Variants in XPA observed in about 807,000 individuals in gnomAD.
XPA encodes the protein DNA repair protein complementing XP-A cells.
XPA carries 27 observed loss-of-function variants against 35.7 expected under a neutral mutation model. That is an observed-to-expected ratio of 0.76 (90% CI 0.56 to 1.04). The LOEUF is 1.04. XPA is among the 50% of genes least tolerant of loss of function. The probability of loss-of-function intolerance (pLI) is 0.00; values close to 1 mark genes in which losing one functional copy is unlikely to be tolerated. For synonymous variants in XPA, 133 were observed against 118.4 expected (o/e 1.12, Z -0.80); for missense variants, 354 against 342.7 (o/e 1.03, Z -0.26).
chr9:97,655,391 A>C, the XPA span, among the ~76,000 whole-genome samples: 1 of 149,808 alleles, frequency 6.7e-6, no homozygotes, highest in Admixed American at 6.7e-5. Flanking sequence ...ACAATTTCAT[A>C]AAATTTTTTT....
At chr9:97,679,191 CTG>C (rs1243685502) in intron 5 of XPA, among the ~76,000 whole-genome samples, 4 of 152,054 alleles carry the variant, frequency 2.6e-5, no homozygotes, top group Non-Finnish European at 4.4e-5. Context: ...GAAATATACA[CTG>C]TAATACTTAA....
At chr9:97,691,885 A>AT (rs1491413733) in intron 2 of XPA, among the ~76,000 whole-genome samples, 20 of 70,040 alleles carry the variant, frequency 2.9e-4, no homozygotes, top group African/African-American at 6.4e-4. Flanking sequence ...CTTTCTAAAT[A>AT]AATATATATA....
the XPA span, chr9:97,661,163 T>C: frequency 6.7e-7 from 1 of 1,485,748 alleles, no homozygotes; most frequent in African/African-American, 1.4e-5. Flanking sequence ...TAAAGCAATA[T>C]ATCTATATCT....
chr9:97,691,886 A>AAAAT (rs1828899722), intron 2 of XPA, among the ~76,000 whole-genome samples: 1 of 124,682 alleles, frequency 8.0e-6, no homozygotes, highest in East Asian at 2.5e-4. Flanking sequence ...TTTCTAAATA[A>AAAAT]ATATATATAT....
At chr9:97,671,943 TC>T (rs1368117914), downstream of XPA, 6 of 152,228 alleles carry the variant, frequency 3.9e-5, no homozygotes. Context: ...TCTTAGAGCA[TC>T]TACTCACTTC....
chr9:97,671,478 C>G, downstream of XPA: 3 of 317,018 alleles, frequency 9.5e-6, no homozygotes, highest in Non-Finnish European at 1.8e-5. Flanking sequence ...CCTTAAGGCA[C>G]AAAATAATTG....
At chr9:97,670,044 T>A (rs901761894), downstream of XPA, 1 of 365,206 alleles carries the variant, frequency 2.7e-6, no homozygotes, top group African/African-American at 2.1e-5. Context: ...TGCCTCAGCC[T>A]CCCATATTGC....
chr9:97,691,712 T>TCAAAAA (rs1256583985), intron 2 of XPA, among the ~76,000 whole-genome samples: 3 of 150,756 alleles, frequency 2.0e-5, no homozygotes, highest in Non-Finnish European at 3.0e-5. Context: ...AAACTCCGTC[T>TCAAAAA]CAAAAACAAA....
At chr9:97,682,559 C>A in intron 5 of XPA, 1 of 442,992 alleles carries the variant, frequency 2.3e-6, no homozygotes, top group Non-Finnish European at 4.4e-6. Flanking sequence ...AGCAGTAAAA[C>A]ATTTCTATTT....
chr9:97,685,594 TTATA>T (rs1828692393), intron 4 of XPA, among the ~76,000 whole-genome samples: 1 of 152,170 alleles, frequency 6.6e-6, no homozygotes, highest in Non-Finnish European at 1.5e-5. Flanking sequence ...CCTTTACTCT[TTATA>T]GTATTTACTT....
the XPA span, chr9:97,655,638 G>A: frequency 8.0e-6 from 11 of 1,368,772 alleles, no homozygotes; most frequent in East Asian, 2.3e-5. Context: ...GCTTATATAA[G>A]TTTCTGTTCT....
chr9:97,685,516 T>C (rs538198235), intron 4 of XPA, among the ~76,000 whole-genome samples: 2 of 152,354 alleles, frequency 1.3e-5, no homozygotes, highest in South Asian at 4.1e-4. Context: ...GGATATATTT[T>C]TTTTTAATTT....
At chr9:97,658,782 C>T in the XPA span, 4 of 1,426,184 alleles carry the variant, frequency 2.8e-6, no homozygotes, top group Middle Eastern at 1.7e-4. Context: ...TTAAAAGGTA[C>T]CAGTTCAAGT....
At chr9:97,669,650 G>A in the XPA span, 1 of 1,613,178 alleles carries the variant, frequency 6.2e-7, no homozygotes, top group African/African-American at 1.3e-5. Context: ...TGGGACCAGT[G>A]TATTAACACC....
intron 5 of XPA, among the ~76,000 whole-genome samples, chr9:97,681,116 A>G (rs1828525311): frequency 6.6e-6 from 1 of 152,208 alleles, no homozygotes; most frequent in Non-Finnish European, 1.5e-5. Flanking sequence ...TTTTATACCA[A>G]TCTAAAACTT....
intron 4 of XPA, among the ~76,000 whole-genome samples, chr9:97,686,132 GCTT>G (rs1302594952): frequency 9.2e-5 from 14 of 152,078 alleles, no homozygotes; most frequent in African/African-American, 3.4e-4. Context: ...TTACAATATG[GCTT>G]CTTAATTTTA....
At chr9:97,670,587 T>C (rs1367445876), downstream of XPA, among the ~76,000 whole-genome samples, 2 of 152,248 alleles carry the variant, frequency 1.3e-5, no homozygotes, top group Non-Finnish European at 2.9e-5. Flanking sequence ...GATTTTATAG[T>C]TACTGCCAGT....
chr9:97,669,071 C>T, the XPA span: 4 of 1,325,432 alleles, frequency 3.0e-6, no homozygotes, highest in Non-Finnish European at 4.1e-6. Flanking sequence ...AAGGAATACA[C>T]ATTCATTTAT....
At position 97,697,112 on chromosome 9, in the gene XPA, G is replaced by A; in HGVS notation, c.172+9C>T. On this transcript the variant is annotated intron_variant, in intron 1 of 5. Transcript: ENST00000375128. ...AGAGGGAAGGGGAAAGCGCGGACGC[G>A]GCCCAAACCTCCAGTAGCCGCAGCC... The A allele has an allele frequency of 6.5e-7, 1 of 1,536,062 alleles. No individual in the cohort carries two copies. Among genetic ancestry groups the A allele is most frequent in the Non-Finnish European group, 8.7e-7 (1 of 1,143,096 alleles).
Sources: allele counts gnomAD v4.1 joint callset (sites outside exome capture counted in the v4.1 genomes callset), GRCh38; gene constraint gnomAD v4.1.1; transcripts MANE v1.5; gene names NCBI Gene and HGNC (gene_info 2026-07-23, HGNC 2026-07-21).